HEPH: variants seen among roughly 807,000 people sequenced by gnomAD.
The protein encoded by HEPH is hephaestin.
A neutral mutation model predicts 80.8 loss-of-function variants in HEPH; 69 were observed. That is an observed-to-expected ratio of 0.85 (90% CI 0.70 to 1.04). The LOEUF (loss-of-function observed/expected upper bound fraction) is 1.04. HEPH is among the 50% of genes least tolerant of loss of function. The pLI, the probability that HEPH is intolerant of heterozygous loss-of-function variation, is 0.00. For missense variants in HEPH, 1,115 were observed against 891.3 expected (o/e 1.25, Z -3.20); for synonymous variants, 431 against 322.8 (o/e 1.34, Z -3.60).
chrX:66,214,152 A>G (rs1421928694), intron 15 of HEPH, among the ~76,000 whole-genome samples: 5 of 111,837 alleles, frequency 4.5e-5, no homozygotes, highest in Admixed American at 1.9e-4. Context: ...ATCAGCATGT[A>G]GATGATATTT....
chrX:66,179,257 G>T (rs897177918), intron 4 of HEPH, among the ~76,000 whole-genome samples: 1 of 111,731 alleles, frequency 9.0e-6, no homozygotes, highest in Non-Finnish European at 1.9e-5. Context: ...GATGGTTGTA[G>T]ATATGTGGTA....
At chrX:66,230,030 G>GT (rs1427425008) in intron 15 of HEPH, among the ~76,000 whole-genome samples, 6 of 100,503 alleles carry the variant, frequency 6.0e-5, no homozygotes, top group Non-Finnish European at 1.0e-4. Flanking sequence ...GTGGTGTTTG[G>GT]TTTTTTGTTC....
chrX:66,210,574 G>T (rs1236190619), intron 15 of HEPH, among the ~76,000 whole-genome samples: 1 of 110,922 alleles, frequency 9.0e-6, no homozygotes, highest in Non-Finnish European at 1.9e-5. Flanking sequence ...AAAAGAGGAT[G>T]GTGATCCAGG....
chrX:66,256,572 G>A (rs891135633), intron 17 of HEPH, among the ~76,000 whole-genome samples: 1 of 111,822 alleles, frequency 8.9e-6, no homozygotes, highest in African/African-American at 3.3e-5. Flanking sequence ...TCTGTAAATT[G>A]CCATGGCGAT....
At chrX:66,200,112 G>A (rs1369648037) in intron 11 of HEPH, among the ~76,000 whole-genome samples, 6 of 110,681 alleles carry the variant, frequency 5.4e-5, no homozygotes, top group Non-Finnish European at 7.6e-5. Flanking sequence ...TCCCCAACAC[G>A]TATGGGGGCG....
intron 20 of HEPH, among the ~76,000 whole-genome samples, chrX:66,264,895 T>A (rs944247033): frequency 9.3e-6 from 1 of 107,239 alleles, no homozygotes; most frequent in African/African-American, 3.3e-5. Context: ...CACACATACT[T>A]TGTGTGTATA....
Position 66,172,491 on chromosome X carries a change from G to T in HEPH, c.304G>T (p.Val102Leu). The T allele has an allele frequency of 1.7e-6, 2 of 1,211,008 alleles. No individual in the cohort carries two copies. The highest frequency in any genetic ancestry group is 1.1e-6 in the Non-Finnish European group (1 of 895,175). ...TGCCTGGTTGGGCTTCCTGGGGCCAGTGTTGCAGGCTGAAGTGGGGGATGT... is the reference window on the plus strand; with the variant it reads ...TGCCTGGTTGGGCTTCCTGGGGCCATTGTTGCAGGCTGAAGTGGGGGATGT... Reference protein sequence around the residue: ...QPAWLGFLGPVLQAEVGDVIL... With the variant: ...QPAWLGFLGPLLQAEVGDVIL... Residue 102 changes from valine to leucine, a missense_variant, in exon 3 of 21, where the codon GTG becomes TTG. By Grantham distance (32) the Val-to-Leu change is conservative. Coordinates refer to ENST00000343002, the MANE Select transcript of HEPH (RefSeq NM_001367233.3).
At position 66,195,010 on chromosome X, in the gene HEPH, C is replaced by T. The variant is rs184359034; in HGVS notation, c.1370-88C>T. ...TTATTTTCTTCTTCACTTTCACTTTCCTTTTCTTTCCCTCCCTCTTCTTCC... is the reference window on the plus strand; with the variant it reads ...TTATTTTCTTCTTCACTTTCACTTTTCTTTTCTTTCCCTCCCTCTTCTTCC... On this transcript the variant is annotated intron_variant, in intron 8 of 20. Transcript: ENST00000343002. 110 of 752,309 alleles carry T rather than the reference C, an allele frequency of 1.5e-4. No individual in the cohort carries two copies. In the African/African-American group the frequency reaches 2.2e-3, roughly 15 times the overall value. The allele number at this position is 752,309 out of a possible 1,213,427, so 62.0% of individuals were successfully genotyped here.
intron 15 of HEPH, among the ~76,000 whole-genome samples, chrX:66,235,236 A>G (rs1255954564): frequency 1.8e-5 from 2 of 111,711 alleles, no homozygotes; most frequent in Non-Finnish European, 3.8e-5. Flanking sequence ...TTTTGTTGCA[A>G]TTACTTCCTG....
At chrX:66,167,190 C>G (rs1460036084) in intron 1 of HEPH, among the ~76,000 whole-genome samples, 1 of 112,015 alleles carries the variant, frequency 8.9e-6, no homozygotes, top group African/African-American at 3.2e-5. Context: ...AGCCTGTGCC[C>G]TGGATGCAAA....
At chrX:66,234,486 C>T (rs1302806991) in intron 15 of HEPH, among the ~76,000 whole-genome samples, 2 of 111,113 alleles carry the variant, frequency 1.8e-5, no homozygotes, top group Non-Finnish European at 3.8e-5. Flanking sequence ...TGTGAGGAAT[C>T]GCCATACTGT....
At chrX:66,165,692 T>A (rs752735968) in intron 1 of HEPH, among the ~76,000 whole-genome samples, 1 of 111,879 alleles carries the variant, frequency 8.9e-6, no homozygotes, top group South Asian at 3.8e-4. Context: ...TTGGCTGATC[T>A]TCTCTCCAGG....
intron 15 of HEPH, among the ~76,000 whole-genome samples, chrX:66,235,711 T>C (rs1480936354): frequency 8.9e-6 from 1 of 112,159 alleles, no homozygotes; most frequent in Non-Finnish European, 1.9e-5. Flanking sequence ...AATTTTAAAA[T>C]AGTATTTTCT....
Position 66,195,247 on chromosome X carries a change from C to T in HEPH, c.1501+18C>T. On this transcript the variant is annotated intron_variant, in intron 9 of 20. Coordinates refer to ENST00000343002, the MANE Select transcript of HEPH (RefSeq NM_001367233.3). ...CAATGATGGTGAGCCAACAGGGTTT[C>T]TAGTAAATGTGGGCTCTAGGTGGTA... 8.7e-7 allele frequency: 1 copy of T among 1,146,236 alleles called. No homozygotes were observed. 94.5% of individuals were successfully genotyped at this position (1,146,236 alleles called of 1,213,427 possible). A position where few individuals can be genotyped will look rare whatever the true frequency, so the allele number is the denominator to read the frequency against.
intron 11 of HEPH, among the ~76,000 whole-genome samples, chrX:66,199,719 T>C (rs972081396): frequency 2.7e-5 from 3 of 112,222 alleles, no homozygotes; most frequent in African/African-American, 9.7e-5. Context: ...TGCAGAATTT[T>C]GTGGGATAAA....
chrX:66,214,516 A>G lies in HEPH; in HGVS notation c.2563+6270A>G, dbSNP rs1376390414. Among the ~76,000 whole-genome samples, 3 of 111,450 alleles carry G rather than the reference A, an allele frequency of 2.7e-5. No homozygotes were observed. The East Asian group carries it at 8.5e-4, about 32-fold the overall frequency. The stretch of plus-strand genomic sequence containing the variant: ...TCCTTGATGTGATGTGATCAAATCA[A>G]TGGAATTTTGGCCTCATAGTTTGTG... On this transcript the variant is annotated intron_variant, in intron 15 of 20. Transcript: ENST00000343002.
At chrX:66,247,777 G>T (rs983635975) in intron 15 of HEPH, among the ~76,000 whole-genome samples, 1 of 111,551 alleles carries the variant, frequency 9.0e-6, no homozygotes, top group Non-Finnish European at 1.9e-5. Flanking sequence ...ATTGTAGTTC[G>T]ATAGAAATGT....
At chrX:66,210,295 G>A (rs2089039661) in intron 15 of HEPH, among the ~76,000 whole-genome samples, 1 of 112,176 alleles carries the variant, frequency 8.9e-6, no homozygotes, top group Non-Finnish European at 1.9e-5. Flanking sequence ...TGATGATTTT[G>A]ATAAATTGGG....
At chrX:66,191,504 T>C (rs1164716445) in intron 6 of HEPH, among the ~76,000 whole-genome samples, 2 of 112,257 alleles carry the variant, frequency 1.8e-5, no homozygotes, top group Non-Finnish European at 3.8e-5. Flanking sequence ...CCTCTATAAG[T>C]TGCTAAGCCA....
Sources: gnomAD v4.1 joint callset for allele counts (sites outside exome capture counted in the v4.1 genomes callset) on GRCh38, gnomAD v4.1.1 for gene constraint, MANE v1.5 for transcripts, NCBI Gene and HGNC (gene_info 2026-07-23, HGNC 2026-07-21) for gene names.